The following CRTC1 variants were observed in gnomAD, a reference collection of about 807,000 sequenced individuals.
CRTC1 encodes the protein CREB-regulated transcription coactivator 1.
In CRTC1, 18 loss-of-function variants were observed where a neutral mutation model predicts 66.1. The ratio of observed to expected loss-of-function variants is 0.27; its 90% confidence interval spans 0.19 to 0.40. The LOEUF (loss-of-function observed/expected upper bound fraction) is 0.40. Among genes scored for constraint, CRTC1 ranks in the 10% least tolerant of loss-of-function variants. CRTC1 has a pLI of 1.00. For missense variants in CRTC1, 669 were observed against 887.9 expected, an observed-to-expected ratio of 0.75 and a Z score of 3.13; for synonymous variants, 416 against 398.8, an observed-to-expected ratio of 1.04 and a Z score of -0.51.
At chr19:18,692,937 T>C (rs2052881500) in intron 1 of CRTC1, among the ~76,000 whole-genome samples, 1 of 151,402 alleles carries the variant, frequency 6.6e-6, no homozygotes, top group African/African-American at 2.4e-5. Flanking sequence ...TAGCTGGGCA[T>C]GGTGGCACGT....
rs1231377511 is a variant in CRTC1, at chr19:18,777,726, G to T, written c.*344G>T. On this transcript the variant is annotated 3_prime_UTR_variant, in exon 14 of 14. Transcript: ENST00000321949. This position sits in a 1 kb window ranked among gnomAD's most constrained non-coding sequence, Gnocchi z 5.5. ...GCGGGAAGTGTCAGCTCCCGGCGTG[G>T]CGGGCAGGCTCAGGGGAGGGGCGCG... 2.7e-6 allele frequency: 1 copy of T among 364,672 alleles called. No individual in the cohort carries two copies. The highest frequency in any genetic ancestry group is 5.0e-6 in the Non-Finnish European group (1 of 198,522). 22.6% of individuals were successfully genotyped at this position (364,672 alleles called of 1,614,324 possible).
chr19:18,733,087 TAA>T (rs113328472), intron 1 of CRTC1, among the ~76,000 whole-genome samples: 3 of 143,618 alleles, frequency 2.1e-5, no homozygotes, highest in Non-Finnish European at 1.5e-5. Flanking sequence ...ACCTGTCTCT[TAA>T]AAAAAAAAAA....
At chr19:18,724,176 C>G (rs1335095371) in intron 1 of CRTC1, among the ~76,000 whole-genome samples, 2 of 152,182 alleles carry the variant, frequency 1.3e-5, no homozygotes, top group Admixed American at 6.5e-5. Flanking sequence ...TCCCTCGTCC[C>G]CTCTGCAGAT....
chr19:18,763,987 A>G (rs1382117243), intron 8 of CRTC1, among the ~76,000 whole-genome samples: 1 of 152,110 alleles, frequency 6.6e-6, no homozygotes, highest in East Asian at 1.9e-4. Flanking sequence ...CCTGGACGCC[A>G]GGGCCTGCAA....
intron 2 of CRTC1, chr19:18,744,192 G>A (rs781595990): frequency 2.2e-5 from 35 of 1,601,420 alleles, no homozygotes; most frequent in African/African-American, 5.4e-5. Context: ...CGGCGTCCCC[G>A]GCGCCAGCCT....
rs1055766587 is a variant in CRTC1 at position 18,780,784 on chromosome 19, C to T, written c.*3402C>T. ...GCTCAAGCAGTCCTCCCTCCTCGGCCTCCCAAAGTTCTGGGGCTACAGGTG... is the reference window on the plus strand; with the variant it reads ...GCTCAAGCAGTCCTCCCTCCTCGGCTTCCCAAAGTTCTGGGGCTACAGGTG... On this transcript the variant is annotated 3_prime_UTR_variant, in exon 14 of 14. Transcript: ENST00000321949. The T allele has an allele frequency of 1.9e-4, 42 of 221,084 alleles. No individual in the cohort carries two copies. Among genetic ancestry groups the T allele is most frequent in the Admixed American group, 9.2e-4 (16 of 17,356 alleles). 13.7% of individuals were successfully genotyped at this position (221,084 alleles called of 1,614,324 possible). A position where few individuals can be genotyped will look rare whatever the true frequency, so the allele number is the denominator to read the frequency against.
At chr19:18,703,157 G>T (rs780196590) in intron 1 of CRTC1, among the ~76,000 whole-genome samples, 1 of 151,912 alleles carries the variant, frequency 6.6e-6, no homozygotes, top group Admixed American at 6.6e-5. Context: ...TAATTTTTTT[G>T]TGTGTATTTT....
chr19:18,758,923 G>A (rs1482387561), intron 6 of CRTC1, among the ~76,000 whole-genome samples: 1 of 152,226 alleles, frequency 6.6e-6, no homozygotes. Flanking sequence ...CAGCTCTAGG[G>A]ACACTTAGCC....
intron 1 of CRTC1, among the ~76,000 whole-genome samples, chr19:18,738,802 A>AAACAAC (rs148273210): frequency 1.3e-5 from 2 of 152,018 alleles, no homozygotes; most frequent in East Asian, 1.9e-4. Context: ...CTCCGTCTCA[A>AAACAAC]AACAACAACA....
intron 6 of CRTC1, among the ~76,000 whole-genome samples, chr19:18,758,164 C>G (rs59313346): frequency 8.6e-5 from 13 of 150,484 alleles, no homozygotes; most frequent in South Asian, 6.3e-4. Context: ...GATGGAGACC[C>G]TCCTGGCTAA....
chr19:18,750,559 T>G (rs1292556225), intron 5 of CRTC1, among the ~76,000 whole-genome samples: 1 of 152,206 alleles, frequency 6.6e-6, no homozygotes, highest in Non-Finnish European at 1.5e-5. Context: ...GAAGGGAGCT[T>G]GGAGGCTTGA....
At chr19:18,764,002 C>T (rs1446231407) in intron 8 of CRTC1, among the ~76,000 whole-genome samples, 5 of 152,114 alleles carry the variant, frequency 3.3e-5, no homozygotes, top group East Asian at 1.9e-4. Flanking sequence ...CTGCAAAGGG[C>T]GCTTGCTGCC....
intron 1 of CRTC1, among the ~76,000 whole-genome samples, chr19:18,684,213 G>A (rs896830810): frequency 6.6e-6 from 1 of 152,010 alleles, no homozygotes; most frequent in African/African-American, 2.4e-5. Context: ...CTACCTGGAA[G>A]GGACAGGTGC....
In CRTC1 at chr19:18,741,905, G is replaced by C. The variant is rs2054119116; in HGVS notation, c.127-1005G>C. On this transcript the variant is annotated intron_variant, in intron 1 of 13. Coordinates refer to ENST00000321949, the MANE Select transcript of CRTC1 (RefSeq NM_015321.3). This position sits in a 1 kb window ranked among gnomAD's most constrained non-coding sequence, Gnocchi z 4.2. ...GGAAGCTGGGGCGGTGGGGCAGCCA[G>C]CTCTCCACGCACTGCCAGGAGCTGT... is the stretch of plus-strand genomic sequence containing the variant. 1.3e-5 allele frequency among the ~76,000 whole-genome samples: 2 copies of C among 152,260 alleles called. No homozygotes were observed. Among genetic ancestry groups the C allele is most frequent in the African/African-American group, 4.8e-5 (2 of 41,548 alleles).
intron 2 of CRTC1, among the ~76,000 whole-genome samples, chr19:18,745,442 G>A (rs1363909250): frequency 3.3e-5 from 5 of 152,218 alleles, no homozygotes; most frequent in South Asian, 2.1e-4. Flanking sequence ...GTCCAGGCCC[G>A]GAGAGAGAGG....
At chr19:18,765,563 G>A (rs1223830740) in intron 9 of CRTC1, 35 bp downstream of exon 9, 1 of 1,581,938 alleles carries the variant, frequency 6.3e-7, no homozygotes, top group Non-Finnish European at 8.6e-7. Context: ...GTGGGAGGGG[G>A]AAAGGGAAAG....
Position 18,717,628 on chromosome 19 carries a change from C to G in CRTC1, c.127-25282C>G, listed in dbSNP as rs143965721. ...AGCTTGGATGCAGGACCCCTGGGCT[C>G]AAACACTGCCTTCCAGTCTCAGCCT... On this transcript the variant is annotated intron_variant, in intron 1 of 13. Transcript: ENST00000321949. Among the ~76,000 whole-genome samples the G allele has an allele frequency of 5.0e-3, 758 of 152,242 alleles. 7 individuals carry two copies. The highest frequency in any genetic ancestry group is 0.017 in the African/African-American group (698 of 41,544).
chr19:18,771,415 G>A lies in CRTC1; in HGVS notation c.1321-27G>A, dbSNP rs762115611. Reference sequence around the variant, plus strand: ...GCCCGGGCTTGGGCAGCTGGGCTGCGGCGTGCTGATCTGTCTGTCATCGCA... The same window carrying A: ...GCCCGGGCTTGGGCAGCTGGGCTGCAGCGTGCTGATCTGTCTGTCATCGCA... On this transcript the variant is annotated intron_variant, in intron 10 of 13. Coordinates refer to ENST00000321949, the MANE Select transcript of CRTC1 (RefSeq NM_015321.3). This position sits in a 1 kb window ranked among gnomAD's most constrained non-coding sequence, Gnocchi z 4.6. 2.6e-5 allele frequency: 41 copies of A among 1,589,468 alleles called. No homozygotes were observed. The highest frequency in any genetic ancestry group is 3.1e-5 in the Non-Finnish European group (36 of 1,166,710).
intron 1 of CRTC1, among the ~76,000 whole-genome samples, chr19:18,725,585 G>T (rs1007929225): frequency 6.6e-6 from 1 of 152,144 alleles, no homozygotes; most frequent in Non-Finnish European, 1.5e-5. Context: ...GCTCACAGGG[G>T]CACCAGGCTG....
Sources: gnomAD v4.1 joint callset for allele counts (sites outside exome capture counted in the v4.1 genomes callset) on GRCh38, gnomAD v4.1.1 for gene constraint, Gnocchi (gnomAD v3.1) non-coding constraint, MANE v1.5 for transcripts, NCBI Gene and HGNC (gene_info 2026-07-23, HGNC 2026-07-21) for gene names.